SPATA1: variants seen among roughly 807,000 people sequenced by gnomAD.
SPATA1 encodes the protein spermatogenesis-associated protein 1.
SPATA1 carries 57 observed loss-of-function variants against 59.6 expected under a neutral mutation model. That is an observed-to-expected ratio of 0.96 (90% CI 0.77 to 1.19). The LOEUF (loss-of-function observed/expected upper bound fraction) is 1.19, where lower values mean the gene tolerates loss of function less well. Among genes scored for constraint, SPATA1 ranks in the 50% most tolerant of loss-of-function variants. SPATA1 has a pLI of 0.00. For synonymous variants in SPATA1, 147 were observed against 163.9 expected (o/e 0.90, Z 0.79); for missense variants, 448 against 480.7 (o/e 0.93, Z 0.64).
downstream of SPATA1, among the ~76,000 whole-genome samples, chr1:84,557,650 T>G (rs1467417157): frequency 6.7e-6 from 1 of 148,354 alleles, no homozygotes; most frequent in Non-Finnish European, 1.5e-5. Context: ...GGTCAGGAGA[T>G]CGAGACCATC....
intron 4 of SPATA1, among the ~76,000 whole-genome samples, chr1:84,559,628 A>C (rs1287924145): frequency 6.6e-6 from 1 of 152,046 alleles, no homozygotes; most frequent in South Asian, 2.1e-4. Context: ...TCTCAGAAAA[A>C]AAAGACTTAA....
intron 4 of SPATA1, among the ~76,000 whole-genome samples, chr1:84,562,897 G>A (rs534459676): frequency 3.3e-5 from 5 of 152,282 alleles, no homozygotes; most frequent in South Asian, 2.1e-4. Flanking sequence ...ACTTTGAAAT[G>A]GAGGCTTTCA....
At chr1:84,525,663 A>T in intron 4 of SPATA1, 33 bp from the exon 5 acceptor site, 1 of 1,542,952 alleles carries the variant, frequency 6.5e-7, no homozygotes, top group Non-Finnish European at 8.7e-7. Context: ...ATGTAGCAAA[A>T]GCTTTAATTT....
chr1:84,531,810 C>G (rs1006797074), intron 6 of SPATA1, among the ~76,000 whole-genome samples: 1 of 152,038 alleles, frequency 6.6e-6, no homozygotes, highest in African/African-American at 2.4e-5. Flanking sequence ...ATCCTCCTGC[C>G]CAGCCTCCCA....
chr1:84,549,391 T>C (rs1195634601), intron 11 of SPATA1, among the ~76,000 whole-genome samples: 1 of 152,132 alleles, frequency 6.6e-6, no homozygotes, highest in Admixed American at 6.6e-5. Context: ...ATATGCTGAC[T>C]GACTTACAGA....
At chr1:84,551,310 T>A (rs1189101229) in intron 12 of SPATA1, 12 of 970,662 alleles carry the variant, frequency 1.2e-5, no homozygotes, top group East Asian at 2.3e-4. Flanking sequence ...TAGCTCTTTT[T>A]AAAAAAATTT....
At chr1:84,550,237 G>A in intron 11 of SPATA1, 195 bp from the exon 12 acceptor site, 2 of 353,370 alleles carry the variant, frequency 5.7e-6, no homozygotes, top group Admixed American at 9.4e-5. Flanking sequence ...TTTAGAGAAA[G>A]TGTTCCCTAA....
chr1:84,526,009 T>G, exon 6 of SPATA1: 1 of 1,613,536 alleles, frequency 6.2e-7, no homozygotes, highest in East Asian at 2.2e-5. Flanking sequence ...AGGAGGAACT[T>G]GGAAGAGATC....
intron 6 of SPATA1, among the ~76,000 whole-genome samples, chr1:84,529,662 A>G (rs1182325732): frequency 7.2e-6 from 1 of 139,078 alleles, no homozygotes; most frequent in African/African-American, 2.8e-5. Context: ...GCTCACTGCA[A>G]CCTCCGCCTC....
At chr1:84,550,325 T>C in intron 11 of SPATA1, 107 bp from the exon 12 acceptor site, 2 of 501,498 alleles carry the variant, frequency 4.0e-6, no homozygotes, top group Non-Finnish European at 3.3e-6. Context: ...GTTATTTTCA[T>C]GATTTACTCT....
intron 10 of SPATA1, among the ~76,000 whole-genome samples, chr1:84,546,615 C>T (rs543915817): frequency 4.1e-4 from 62 of 152,236 alleles, no homozygotes; most frequent in African/African-American, 1.5e-3. Context: ...CTGAAGTACA[C>T]TCTTGGTTCT....
downstream of SPATA1, chr1:84,555,932 G>A (rs1418461566): frequency 6.6e-6 from 1 of 152,204 alleles, no homozygotes; most frequent in African/African-American, 2.4e-5. Context: ...TGCCTGGCTA[G>A]GAGGTCTACA....
chr1:84,508,889 T>C (rs1292858002), intron 1 of SPATA1, among the ~76,000 whole-genome samples: 1 of 151,782 alleles, frequency 6.6e-6, no homozygotes, highest in Non-Finnish European at 1.5e-5. Flanking sequence ...AAGAAAACCA[T>C]AAAACACTGA....
At chr1:84,507,237 A>C (rs1018730043) in intron 1 of SPATA1, 1 of 152,192 alleles carries the variant, frequency 6.6e-6, no homozygotes, top group Admixed American at 6.5e-5. Flanking sequence ...AATGTTAATA[A>C]TTTTATCATT....
intron 2 of SPATA1, among the ~76,000 whole-genome samples, chr1:84,517,660 T>G (rs889232268): frequency 1.3e-4 from 20 of 152,072 alleles, no homozygotes; most frequent in African/African-American, 4.6e-4. Context: ...ACTTGAGTCT[T>G]CTACTTGACT....
chr1:84,559,368 G>A (rs1266197370), downstream of SPATA1, among the ~76,000 whole-genome samples: 1 of 152,168 alleles, frequency 6.6e-6, no homozygotes, highest in Non-Finnish European at 1.5e-5. Flanking sequence ...CGCCTGTAAT[G>A]CCAACACTTT....
At chr1:84,546,282 C>T (rs762705093) in intron 10 of SPATA1, among the ~76,000 whole-genome samples, 13 of 151,912 alleles carry the variant, frequency 8.6e-5, no homozygotes, top group Non-Finnish European at 1.6e-4. Flanking sequence ...GGCGAAACTC[C>T]GTCTCTACTA....
At chr1:84,533,626 T>C in intron 7 of SPATA1, 83 bp from the exon 8 acceptor site, 1 of 1,085,074 alleles carries the variant, frequency 9.2e-7, no homozygotes, top group Non-Finnish European at 1.4e-6. Context: ...TTACAGAGCA[T>C]CAAATAAAAT....
exon 5 of SPATA1, chr1:84,565,879 A>G (rs769070229): frequency 2.5e-6 from 4 of 1,578,320 alleles, no homozygotes; most frequent in East Asian, 2.4e-5. Flanking sequence ...GGCTGCTGCA[A>G]TACATTCTGA....
Sources: allele counts gnomAD v4.1 joint callset (sites outside exome capture counted in the v4.1 genomes callset), GRCh38; gene constraint gnomAD v4.1.1; transcripts MANE v1.5; gene names NCBI Gene and HGNC (gene_info 2026-07-23, HGNC 2026-07-21).